ALKBH2: variants seen among roughly 807,000 people sequenced by gnomAD.
ALKBH2 encodes alkB homolog 2, alpha-ketoglutarate dependent dioxygenase.
In ALKBH2, 19 loss-of-function variants were observed where a neutral mutation model predicts 19.7. The ratio of observed to expected loss-of-function variants is 0.97; its 90% confidence interval spans 0.67 to 1.42. The LOEUF is 1.42. Ranked by LOEUF, ALKBH2 falls within the 40% of genes most tolerant of loss-of-function variation. The pLI is 0.00. For missense variants in ALKBH2, 310 were observed against 328.5 expected, an observed-to-expected ratio of 0.94 and a Z score of 0.43; for synonymous variants, 135 against 131.2, an observed-to-expected ratio of 1.03 and a Z score of -0.20.
chr12:109,092,993 C>T (rs565404376), intron 1 of ALKBH2, 56 bp from the exon 2 acceptor site: 2 of 1,307,108 alleles, frequency 1.5e-6, no homozygotes, highest in South Asian at 1.9e-5. Flanking sequence ...ACAATCTGAT[C>T]CAGGGTCTCC....
Position 109,092,980 on chromosome 12 carries a change from G to A in ALKBH2, c.-151-43C>T, listed in dbSNP as rs550433398. 6.7e-5 allele frequency: 92 copies of A among 1,379,706 alleles called. No individual in the cohort carries two copies. The African/African-American group carries it at 1.1e-3, about 17-fold the overall frequency. 85.5% of individuals were successfully genotyped at this position (1,379,706 alleles called of 1,614,324 possible). ...GATGTTAAAGCCGGAAGGGACCCTA[G>A]GGACAATCTGATCCAGGGTCTCCCA... On this transcript the variant is annotated intron_variant, in intron 1 of 3. Coordinates refer to ENST00000429722, the MANE Select transcript of ALKBH2 (RefSeq NM_001145374.2).
intron 2 of ALKBH2, 191 bp downstream of exon 2, chr12:109,092,316 C>T (rs772495238): frequency 1.6e-4 from 134 of 839,376 alleles, no homozygotes; most frequent in Non-Finnish European, 2.0e-4. Context: ...AATCCAGTTT[C>T]TTTCAAGTTT....
intron 1 of ALKBH2, 131 bp from the exon 2 acceptor site, chr12:109,093,068 G>A (rs757045682): frequency 1.0e-5 from 5 of 487,972 alleles, no homozygotes; most frequent in African/African-American, 2.0e-5. Context: ...TGCACTCCAC[G>A]CCTGAGCACC....
At chr12:109,091,842 G>A (rs1018350539) in intron 2 of ALKBH2, among the ~76,000 whole-genome samples, 10 of 152,158 alleles carry the variant, frequency 6.6e-5, no homozygotes, top group African/African-American at 1.7e-4. Context: ...GAGCCACCAC[G>A]CCTAGCTTCC....
intron 2 of ALKBH2, 46 bp downstream of exon 2, chr12:109,092,461 C>T: frequency 6.8e-7 from 1 of 1,463,028 alleles, no homozygotes; most frequent in Non-Finnish European, 9.0e-7. Context: ...TTGCACCAAA[C>T]AAGCCCTCAA....
chr12:109,089,576 C>G (rs1422345958), intron 3 of ALKBH2: 1 of 208,390 alleles, frequency 4.8e-6, no homozygotes, highest in Non-Finnish European at 9.9e-6. Context: ...CATTCTCAGT[C>G]AAATCGGCCT....
intron 2 of ALKBH2, among the ~76,000 whole-genome samples, chr12:109,091,162 G>A (rs2042054242): frequency 6.6e-6 from 1 of 152,166 alleles, no homozygotes; most frequent in East Asian, 1.9e-4. Flanking sequence ...GGGAGGCCAA[G>A]GCGAGGATCA....
rs767452907 is a variant in ALKBH2 at position 109,088,478 on chromosome 12, G to A, written c.514C>T (p.Arg172Ter). The A allele has an allele frequency of 3.7e-6, 6 of 1,610,204 alleles. No individual in the cohort carries two copies. Among genetic ancestry groups the A allele is most frequent in the Non-Finnish European group, 5.1e-6 (6 of 1,177,044 alleles). ...KDGCDHIGEH[R>*]DDERELAPGS... The stretch of plus-strand genomic sequence containing the variant: ...GGGGCCAGTTCTCTTTCATCATCTC[G>A]GTGCTCCCCGATGTGGTCACAGCCA... The change falls in exon 4 of 4, where the codon CGA (arginine) becomes TGA (stop). Residue 172 changes from arginine (R) to a stop codon, truncating the protein, a stop_gained. Transcript: ENST00000429722. LOFTEE classifies it high-confidence loss of function. This position sits in a 1 kb window ranked among gnomAD's most constrained non-coding sequence, Gnocchi z 4.2.
At chr12:109,091,290 G>A (rs1005274217) in intron 2 of ALKBH2, among the ~76,000 whole-genome samples, 17 of 152,208 alleles carry the variant, frequency 1.1e-4, no homozygotes, top group Admixed American at 5.9e-4. Flanking sequence ...GGATGCTGAG[G>A]TGGGAGAATC....
At chr12:109,092,012 C>T (rs2042067502) in intron 2 of ALKBH2, among the ~76,000 whole-genome samples, 1 of 152,200 alleles carries the variant, frequency 6.6e-6, no homozygotes, top group Non-Finnish European at 1.5e-5. Flanking sequence ...GTCCTGCCAA[C>T]AGCAAGTCCA....
intron 1 of ALKBH2, 47 bp downstream of exon 1, chr12:109,093,200 C>T (rs1453533751): frequency 1.1e-5 from 2 of 180,564 alleles, no homozygotes; most frequent in African/African-American, 4.8e-5. Flanking sequence ...GAGGTTTGCC[C>T]AAAGTCAACT....
Position 109,088,284 on chromosome 12 carries a change from G to GTGGT in ALKBH2, c.704_707dup (p.His236GlnfsTer21). 6.2e-7 allele frequency: 1 copy of GTGGT among 1,614,148 alleles called. No homozygotes were observed. The highest frequency in any genetic ancestry group is 8.5e-7 in the Non-Finnish European group (1 of 1,180,040). On this transcript the variant is annotated frameshift_variant, in exon 4 of 4. Transcript: ENST00000429722. LOFTEE classifies it high-confidence loss of function. The surrounding 1 kb of genome is among the most constrained non-coding windows in gnomAD (Gnocchi z 4.2). ...GAACCTTCTTTCTCACGGGAAGACT[G>GTGGT]TGGTACCAGTGCGTGTTGGTCGGGT...
Position 109,088,470 on chromosome 12 carries a change from A to G in ALKBH2, c.522T>C (p.Asp174=). 1 of 1,611,158 alleles carries G rather than the reference A, an allele frequency of 6.2e-7. No individual in the cohort carries two copies. Among genetic ancestry groups the G allele is most frequent in the Non-Finnish European group, 8.5e-7 (1 of 1,177,772 alleles). Reference sequence around the variant, plus strand: ...GGCTCCCAGGGGCCAGTTCTCTTTCATCATCTCGGTGCTCCCCGATGTGGT... The same window carrying G: ...GGCTCCCAGGGGCCAGTTCTCTTTCGTCATCTCGGTGCTCCCCGATGTGGT... ...GCDHIGEHRD[D]ERELAPGSPI... Residue 174 remains aspartate (D), a synonymous_variant, in exon 4 of 4, where the codon GAT becomes GAC. Transcript: ENST00000429722. The surrounding 1 kb of genome is among the most constrained non-coding windows in gnomAD (Gnocchi z 4.2).
At chr12:109,090,415 C>T (rs1171304587) in intron 2 of ALKBH2, among the ~76,000 whole-genome samples, 1 of 152,152 alleles carries the variant, frequency 6.6e-6, no homozygotes, top group African/African-American at 2.4e-5. Flanking sequence ...TTTTGGCTTG[C>T]CCCAAATTTT....
At chr12:109,090,268 C>T (rs907400633) in intron 2 of ALKBH2, 61 bp from the exon 3 acceptor site, 64 of 1,478,210 alleles carry the variant, frequency 4.3e-5, no homozygotes, top group African/African-American at 2.2e-4. Flanking sequence ...ATCCAGATGC[C>T]CCCCCCAACC....
chr12:109,088,734 TG>T lies in ALKBH2; in HGVS notation c.480-223del, dbSNP rs2042010179. ...CATGTGACTTATTTATTATTATTTT[TG>T]AGAGGGTCTCGCTCTGTCACCCAGG... On this transcript the variant is annotated intron_variant, in intron 3 of 3. Coordinates refer to ENST00000429722, the MANE Select transcript of ALKBH2 (RefSeq NM_001145374.2). This position sits in a 1 kb window ranked among gnomAD's most constrained non-coding sequence, Gnocchi z 4.2. 6.6e-6 allele frequency among the ~76,000 whole-genome samples: 1 copy of T among 152,166 alleles called. No individual in the cohort carries two copies. Among genetic ancestry groups the T allele is most frequent in the Non-Finnish European group, 1.5e-5 (1 of 68,026 alleles).
Position 109,088,654 on chromosome 12 carries a change from C to G in ALKBH2, c.480-142G>C. 1.4e-6 allele frequency: 1 copy of G among 699,166 alleles called. No individual in the cohort carries two copies. Among genetic ancestry groups the G allele is most frequent in the South Asian group, 2.1e-5 (1 of 47,672 alleles). 43.3% of individuals were successfully genotyped at this position (699,166 alleles called of 1,614,324 possible). On this transcript the variant is annotated intron_variant, in intron 3 of 3. Coordinates refer to ENST00000429722, the MANE Select transcript of ALKBH2 (RefSeq NM_001145374.2). The surrounding 1 kb of genome is among the most constrained non-coding windows in gnomAD (Gnocchi z 4.2). The stretch of plus-strand genomic sequence containing the variant: ...CGTTGTTTCTGCGAGGGCTTGAGGT[C>G]CACAGTGGGCTCTAAGATAAGCCAA...
chr12:109,092,596 C>G lies in ALKBH2; in HGVS notation c.191G>C (p.Gly64Ala). Residue 64 changes from glycine to alanine, a missense_variant, in exon 2 of 4, where the codon GGC becomes GCC. Gly to Ala is a moderately conservative substitution (Grantham distance 60). Transcript: ENST00000429722. ...CAGGACTGTGTAACTGCAGTCCAGG[C>G]CCTCAGCCCGAATGTGCCGCCAGCT... ...GPSWRHIRAE[G>A]LDCSYTVLFG... is the part of the protein sequence containing the mutation. The G allele has an allele frequency of 6.2e-7, 1 of 1,614,120 alleles. No homozygotes were observed. Among genetic ancestry groups the G allele is most frequent in the Non-Finnish European group, 8.5e-7 (1 of 1,179,974 alleles).
intron 1 of ALKBH2, 83 bp from the exon 2 acceptor site, chr12:109,093,020 TC>T: frequency 8.7e-7 from 1 of 1,145,304 alleles, no homozygotes; most frequent in South Asian, 2.3e-5. Context: ...CACCTGTGCA[TC>T]AGAATCAGCT....
Sources: gnomAD v4.1 joint callset for allele counts (sites outside exome capture counted in the v4.1 genomes callset) on GRCh38, gnomAD v4.1.1 for gene constraint, Gnocchi (gnomAD v3.1) non-coding constraint, MANE v1.5 for transcripts, NCBI Gene and HGNC (gene_info 2026-07-23, HGNC 2026-07-21) for gene names.